NRG1: variants seen among roughly 807,000 people sequenced by gnomAD.
The protein encoded by NRG1 is neuregulin 1.
Under a neutral mutation model 63.8 loss-of-function variants are expected in NRG1, and 18 were observed. That is an observed-to-expected ratio of 0.28 (90% confidence interval 0.19 to 0.42). The LOEUF (loss-of-function observed/expected upper bound fraction) is 0.42, where lower values mean the gene tolerates loss of function less well. Among genes scored for constraint, NRG1 ranks in the 10% least tolerant of loss-of-function variants. The probability of loss-of-function intolerance (pLI) is 1.00; values close to 1 mark genes in which losing one functional copy is unlikely to be tolerated. For missense variants in NRG1, 762 were observed against 814.7 expected (o/e 0.94, Z 0.79); for synonymous variants, 302 against 301.3 (o/e 1.00, Z -0.02).
chr8:32,626,202 G>A (rs1849241374), intron 5 of NRG1, among the ~76,000 whole-genome samples: 1 of 150,090 alleles, frequency 6.7e-6, no homozygotes, highest in South Asian at 2.1e-4. Flanking sequence ...AGTGGGAGGT[G>A]GGAGGTGTAA....
At chr8:31,970,916 C>T (rs1286278004) in intron 1 of NRG1, among the ~76,000 whole-genome samples, 1 of 152,004 alleles carries the variant, frequency 6.6e-6, no homozygotes, top group Admixed American at 6.6e-5. Context: ...CGGTGGCGGG[C>T]GCCTGTAGTC....
intron 1 of NRG1, among the ~76,000 whole-genome samples, chr8:32,595,498 T>C (rs1172477172): frequency 6.6e-6 from 1 of 152,092 alleles, no homozygotes; most frequent in Non-Finnish European, 1.5e-5. Context: ...CTACATACGC[T>C]CCTTTAACAC....
chr8:31,777,161 AC>A, intron 1 of NRG1, among the ~76,000 whole-genome samples: 1 of 152,324 alleles, frequency 6.6e-6, no homozygotes, highest in African/African-American at 2.4e-5. Context: ...AGATTTGACT[AC>A]TGGATGTCTG....
At chr8:31,865,930 G>T (rs1828915675) in intron 1 of NRG1, among the ~76,000 whole-genome samples, 1 of 152,118 alleles carries the variant, frequency 6.6e-6, no homozygotes, top group African/African-American at 2.4e-5. Context: ...TACATTTTGA[G>T]ATCTTATTGT....
intron 1 of NRG1, among the ~76,000 whole-genome samples, chr8:31,641,386 G>T (rs1005487438): frequency 4.0e-5 from 6 of 151,188 alleles, no homozygotes; most frequent in South Asian, 2.1e-4. Flanking sequence ...ACAATATTTT[G>T]GTTTGGAGGA....
At chr8:32,733,104 G>A (rs1005430292) in intron 6 of NRG1, among the ~76,000 whole-genome samples, 5 of 152,036 alleles carry the variant, frequency 3.3e-5, no homozygotes, top group African/African-American at 9.7e-5. Flanking sequence ...ACCATGCCTG[G>A]CCCATGTTTA....
intron 2 of NRG1, among the ~76,000 whole-genome samples, chr8:32,600,597 T>A: frequency 6.6e-6 from 1 of 152,168 alleles, no homozygotes; most frequent in African/African-American, 2.4e-5. Context: ...TATTCAGAAC[T>A]TTTTATCTTC....
At chr8:32,724,756 AT>A (rs1268750491) in intron 5 of NRG1, among the ~76,000 whole-genome samples, 1 of 152,188 alleles carries the variant, frequency 6.6e-6, no homozygotes, top group Non-Finnish European at 1.5e-5. Flanking sequence ...ATTCGTGATC[AT>A]TTTTTGATCT....
intron 1 of NRG1, among the ~76,000 whole-genome samples, chr8:32,330,050 A>T (rs1349575969): frequency 5.4e-4 from 18 of 33,582 alleles, no homozygotes; most frequent in Middle Eastern, 0.014. Flanking sequence ...TTAAAAAAAA[A>T]AAAAAAAAAA....
intron 1 of NRG1, among the ~76,000 whole-genome samples, chr8:32,325,830 T>C (rs1474648555): frequency 6.6e-6 from 1 of 152,232 alleles, no homozygotes; most frequent in Non-Finnish European, 1.5e-5. Context: ...GTATTTACTC[T>C]GTGCAGAATG....
intron 1 of NRG1, among the ~76,000 whole-genome samples, chr8:31,716,398 A>G (rs1392016525): frequency 2.0e-5 from 3 of 152,376 alleles, no homozygotes; most frequent in South Asian, 4.1e-4. Context: ...ATGGCAAAAT[A>G]TGCTTATTTT....
At chr8:32,356,093 T>C (rs935698633) in intron 1 of NRG1, among the ~76,000 whole-genome samples, 14 of 152,196 alleles carry the variant, frequency 9.2e-5, no homozygotes, top group African/African-American at 3.4e-4. Context: ...AGTACCCTAC[T>C]CCTGTGTAAA....
intron 1 of NRG1, among the ~76,000 whole-genome samples, chr8:31,731,206 C>T (rs1814012359): frequency 6.6e-6 from 1 of 151,984 alleles, no homozygotes; most frequent in African/African-American, 2.4e-5. Context: ...GACATGAAGG[C>T]AAAGCTATAT....
At chr8:32,647,418 A>G (rs866744598) in intron 5 of NRG1, 1 of 985,142 alleles carries the variant, frequency 1.0e-6, no homozygotes, top group African/African-American at 1.7e-5. Flanking sequence ...CCGTCGATCT[A>G]TTTTCGTCCC....
intron 1 of NRG1, among the ~76,000 whole-genome samples, chr8:32,594,030 G>C (rs1000421512): frequency 6.6e-6 from 1 of 152,140 alleles, no homozygotes; most frequent in Non-Finnish European, 1.5e-5. Context: ...GTAGCTGTAG[G>C]GGTACTGCTA....
intron 5 of NRG1, among the ~76,000 whole-genome samples, chr8:32,704,679 T>A (rs964046490): frequency 6.6e-6 from 1 of 152,248 alleles, no homozygotes; most frequent in Non-Finnish European, 1.5e-5. Flanking sequence ...TCTCATTATT[T>A]CATACTTTAT....
intron 1 of NRG1, chr8:32,287,379 G>A (rs1170225878): frequency 6.6e-6 from 1 of 152,238 alleles, no homozygotes; most frequent in Non-Finnish European, 1.5e-5. Context: ...ACAGGGAGGG[G>A]TGCAATTTGG....
intron 1 of NRG1, among the ~76,000 whole-genome samples, chr8:32,299,117 A>G (rs1195116850): frequency 6.6e-6 from 1 of 152,068 alleles, no homozygotes; most frequent in Non-Finnish European, 1.5e-5. Flanking sequence ...AACCCTTAAC[A>G]TTTAAACAAG....
chr8:32,383,466 A>G (rs1810605720), intron 1 of NRG1, among the ~76,000 whole-genome samples: 1 of 152,208 alleles, frequency 6.6e-6, no homozygotes, highest in South Asian at 2.1e-4. Flanking sequence ...GTAACCTGAT[A>G]CAAAACTTTC....
Sources: allele counts gnomAD v4.1 joint callset (sites outside exome capture counted in the v4.1 genomes callset), GRCh38; gene constraint gnomAD v4.1.1; transcripts MANE v1.5; gene names NCBI Gene and HGNC (gene_info 2026-07-23, HGNC 2026-07-21).